PDZRN4: variants seen among roughly 807,000 people sequenced by gnomAD.
PDZRN4 encodes the protein PDZ domain-containing RING finger protein 4.
In PDZRN4, 70 loss-of-function variants were observed where a neutral mutation model predicts 99.0. That is an observed-to-expected ratio of 0.71 (90% CI 0.58 to 0.86). The LOEUF is 0.86. Ranked by LOEUF, PDZRN4 falls within the 40% of genes least tolerant of loss-of-function variation. PDZRN4 has a pLI of 0.00. For synonymous variants in PDZRN4, 551 were observed against 501.6 expected (o/e 1.10, Z -1.32); for missense variants, 1,474 against 1,331.2 (o/e 1.11, Z -1.67).
At chr12:41,230,707 T>C (rs1157169047) in intron 3 of PDZRN4, among the ~76,000 whole-genome samples, 1 of 152,104 alleles carries the variant, frequency 6.6e-6, no homozygotes. Flanking sequence ...CTTGAAAATT[T>C]TTCGTCTTTT....
At chr12:41,228,710 TAGAG>T (rs916649599) in intron 3 of PDZRN4, among the ~76,000 whole-genome samples, 2 of 152,070 alleles carry the variant, frequency 1.3e-5, no homozygotes, top group African/African-American at 2.4e-5. Flanking sequence ...TGAGTTTTCT[TAGAG>T]AGAAAACAAA....
At chr12:41,293,976 C>A (rs1951473354) in intron 3 of PDZRN4, among the ~76,000 whole-genome samples, 1 of 152,158 alleles carries the variant, frequency 6.6e-6, no homozygotes, top group East Asian at 1.9e-4. Flanking sequence ...ACATGGCATT[C>A]AATAAACAAT....
At chr12:41,473,130 A>G (rs909925379) in intron 3 of PDZRN4, among the ~76,000 whole-genome samples, 1 of 152,152 alleles carries the variant, frequency 6.6e-6, no homozygotes, top group African/African-American at 2.4e-5. Context: ...TATGGAATAG[A>G]TAAAATATAT....
chr12:41,571,376 TCACACACACACA>T (rs147910134), intron 9 of PDZRN4, among the ~76,000 whole-genome samples: 2 of 65,514 alleles, frequency 3.1e-5, no homozygotes, highest in African/African-American at 9.9e-5. Flanking sequence ...TCTCTCTCTC[TCACACACACACA>T]CACACACACA....
At chr12:41,349,963 G>A (rs1951879400) in intron 3 of PDZRN4, among the ~76,000 whole-genome samples, 1 of 151,550 alleles carries the variant, frequency 6.6e-6, no homozygotes, top group Non-Finnish European at 1.5e-5. Context: ...TGGAGTAAAG[G>A]GTACAGGAGC....
intron 3 of PDZRN4, among the ~76,000 whole-genome samples, chr12:41,460,740 A>C (rs1407870719): frequency 6.6e-6 from 1 of 152,208 alleles, no homozygotes; most frequent in African/African-American, 2.4e-5. Flanking sequence ...GTAGTCCTCT[A>C]ATCCCCAGTG....
chr12:41,227,292 T>A (rs753302318), intron 3 of PDZRN4, among the ~76,000 whole-genome samples: 3 of 152,138 alleles, frequency 2.0e-5, no homozygotes, highest in Non-Finnish European at 2.9e-5. Flanking sequence ...AAATCCCCAG[T>A]GATTTTGAAT....
chr12:41,343,096 A>G (rs781479870), intron 3 of PDZRN4, among the ~76,000 whole-genome samples: 2 of 151,972 alleles, frequency 1.3e-5, no homozygotes, highest in Non-Finnish European at 2.9e-5. Flanking sequence ...CCTGGAGGAT[A>G]TAATGTTAAG....
chr12:41,257,627 G>A (rs930515093), intron 3 of PDZRN4, among the ~76,000 whole-genome samples: 1 of 152,192 alleles, frequency 6.6e-6, no homozygotes, highest in African/African-American at 2.4e-5. Flanking sequence ...TGGACACATA[G>A]AAGAAATGGC....
chr12:41,208,249 A>T (rs1950864226), intron 3 of PDZRN4, among the ~76,000 whole-genome samples: 1 of 151,938 alleles, frequency 6.6e-6, no homozygotes. Flanking sequence ...TACAATTAAG[A>T]CTTGACTATT....
chr12:41,310,289 T>C (rs1951598324), intron 3 of PDZRN4, among the ~76,000 whole-genome samples: 1 of 152,042 alleles, frequency 6.6e-6, no homozygotes, highest in Admixed American at 6.6e-5. Flanking sequence ...TATGCATATA[T>C]TTAAAGTGTT....
chr12:41,499,033 G>A (rs1938063492), intron 3 of PDZRN4, among the ~76,000 whole-genome samples: 1 of 152,042 alleles, frequency 6.6e-6, no homozygotes, highest in Non-Finnish European at 1.5e-5. Flanking sequence ...ACAAACGCAT[G>A]AGCAGAGTTA....
chr12:41,506,795 A>T, intron 4 of PDZRN4, 83 bp downstream of exon 4: 1 of 1,469,412 alleles, frequency 6.8e-7, no homozygotes, highest in East Asian at 2.3e-5. Context: ...CAGTTCCACT[A>T]GCAGGTTGAC....
chr12:41,212,301 C>T (rs1950893585), intron 3 of PDZRN4, among the ~76,000 whole-genome samples: 1 of 151,902 alleles, frequency 6.6e-6, no homozygotes, highest in Admixed American at 6.6e-5. Context: ...GTGTTTCTGC[C>T]TGTTCTGTTT....
In PDZRN4 at chr12:41,492,320, A is replaced by G. The variant is rs374044003; in HGVS notation, c.844-14136A>G. 8.5e-5 allele frequency among the ~76,000 whole-genome samples: 13 copies of G among 152,344 alleles called. No individual in the cohort carries two copies. In the East Asian group the frequency reaches 2.1e-3, roughly 25 times the overall value. ...GGAGAAGAAAGAACTATTAGATAAT[A>G]TGAAAAGCACATGACTGCCTCCCGT... On this transcript the variant is annotated intron_variant, in intron 3 of 9. Coordinates refer to ENST00000402685, the MANE Select transcript of PDZRN4 (RefSeq NM_001164595.2).
At chr12:41,289,983 G>A (rs1951447039) in intron 3 of PDZRN4, among the ~76,000 whole-genome samples, 1 of 152,204 alleles carries the variant, frequency 6.6e-6, no homozygotes. Context: ...TTGACAGCAA[G>A]TAGGGCATGC....
chr12:41,496,174 T>C (rs1486466248), intron 3 of PDZRN4, among the ~76,000 whole-genome samples: 4 of 152,106 alleles, frequency 2.6e-5, no homozygotes, highest in Non-Finnish European at 5.9e-5. Flanking sequence ...GGCCAAGGGC[T>C]TGGCTCAGCT....
chr12:41,552,649 C>A lies in PDZRN4; in HGVS notation c.1204-7C>A. On this transcript the variant is annotated splice_polypyrimidine_tract_variant and splice_region_variant and intron_variant, in intron 5 of 9. Transcript: ENST00000402685. ...ATAAATGTCATCTGTGTGTGTTGTT[C>A]TTTCAGGAGGTCGAGTTGTGTCGTG... 4.4e-6 allele frequency: 7 copies of A among 1,607,006 alleles called. No homozygotes were observed. The highest frequency in any genetic ancestry group is 6.0e-6 in the Non-Finnish European group (7 of 1,173,700).
chr12:41,418,444 TA>T (rs1323836826), intron 3 of PDZRN4, among the ~76,000 whole-genome samples: 1 of 152,184 alleles, frequency 6.6e-6, no homozygotes, highest in Non-Finnish European at 1.5e-5. Flanking sequence ...AGGTAGTACC[TA>T]CAGATACCAA....
Sources: allele counts gnomAD v4.1 joint callset (sites outside exome capture counted in the v4.1 genomes callset), GRCh38; gene constraint gnomAD v4.1.1; transcripts MANE v1.5; gene names NCBI Gene and HGNC (gene_info 2026-07-23, HGNC 2026-07-21).